Variants in RFWD3 observed in about 807,000 individuals in gnomAD.
RFWD3 encodes E3 ubiquitin-protein ligase RFWD3.
Under a neutral mutation model 87.7 loss-of-function variants are expected in RFWD3, and 65 were observed. That is an observed-to-expected ratio of 0.74 (90% CI 0.61 to 0.91). The LOEUF is 0.91. RFWD3 is among the 40% of genes least tolerant of loss of function. The probability of loss-of-function intolerance (pLI) is 0.00; values close to 1 mark genes in which losing one functional copy is unlikely to be tolerated. For synonymous variants in RFWD3, 433 were observed against 352.8 expected, an observed-to-expected ratio of 1.23 and a Z score of -2.55; for missense variants, 1,078 against 938.5, an observed-to-expected ratio of 1.15 and a Z score of -1.94.
chr16:74,635,464 C>T (rs1030786872), intron 8 of RFWD3, among the ~76,000 whole-genome samples: 9 of 100,710 alleles, frequency 8.9e-5, no homozygotes, highest in African/African-American at 4.2e-4. Flanking sequence ...GAGACTCCAT[C>T]TCAAAAGAAA....
intron 12 of RFWD3, among the ~76,000 whole-genome samples, 193 bp from the exon 13 acceptor site, chr16:74,624,264 T>G (rs1257043225): frequency 6.6e-6 from 1 of 152,220 alleles, no homozygotes; most frequent in African/African-American, 2.4e-5. Flanking sequence ...CCTCACCTAC[T>G]GTAATCAGCA....
At chr16:74,638,048 T>G in intron 6 of RFWD3, 78 bp from the exon 7 acceptor site, 2 of 860,806 alleles carry the variant, frequency 2.3e-6, no homozygotes, top group Non-Finnish European at 3.8e-6. Flanking sequence ...AGAGTTAAGT[T>G]CATGCTATGA....
In RFWD3 at chr16:74,658,800, T is replaced by G. The variant is rs953757948; in HGVS notation, c.518+2132A>C. Among the ~76,000 whole-genome samples the G allele has an allele frequency of 1.9e-4, 29 of 150,348 alleles. No homozygotes were observed. In the East Asian group the frequency reaches 3.8e-3, roughly 19 times the overall value. Reference sequence around the variant, plus strand: ...TTTTTTTTTTGAGACAGAGAGTCACTCTTGTCACCCAGGCTGGATTACAGT... The same window carrying G: ...TTTTTTTTTTGAGACAGAGAGTCACGCTTGTCACCCAGGCTGGATTACAGT... On this transcript the variant is annotated intron_variant, in intron 2 of 12. Coordinates refer to ENST00000361070, the MANE Select transcript of RFWD3 (RefSeq NM_018124.4).
intron 6 of RFWD3, 87 bp from the exon 7 acceptor site, chr16:74,638,057 G>A: frequency 1.3e-6 from 1 of 767,768 alleles, no homozygotes; most frequent in Non-Finnish European, 2.3e-6. Flanking sequence ...TTCATGCTAT[G>A]ATGCACGTTC....
At chr16:74,665,982 G>A (rs1164112111) in intron 1 of RFWD3, among the ~76,000 whole-genome samples, 1 of 152,102 alleles carries the variant, frequency 6.6e-6, no homozygotes, top group East Asian at 1.9e-4. Flanking sequence ...ACAGGCCTGA[G>A]CCACCGCTTT....
rs142363887 is a variant in RFWD3, at chr16:74,638,368, T to C, written c.1080-398A>G. On this transcript the variant is annotated intron_variant, in intron 6 of 12. Coordinates refer to ENST00000361070, the MANE Select transcript of RFWD3 (RefSeq NM_018124.4). ...ATATAACCCAAAAAAGAATCTGAAG[T>C]TAAAAAGAGCAAAAGTAGACATCAA... is the stretch of plus-strand genomic sequence containing the variant. Among the ~76,000 whole-genome samples, 133 of 151,940 alleles carry C rather than the reference T, an allele frequency of 8.8e-4. 1 individual carries two copies. Among genetic ancestry groups the C allele is most frequent in the South Asian group, 1.2e-3 (6 of 4,808 alleles).
At chr16:74,647,401 C>A (rs1364382099) in intron 4 of RFWD3, among the ~76,000 whole-genome samples, 1 of 152,084 alleles carries the variant, frequency 6.6e-6, no homozygotes, top group East Asian at 1.9e-4. Context: ...GACTCTCCTG[C>A]CTCAGCTTCC....
chr16:74,656,051 C>A (rs1960951297), intron 2 of RFWD3, among the ~76,000 whole-genome samples: 1 of 152,062 alleles, frequency 6.6e-6, no homozygotes, highest in Admixed American at 6.6e-5. Flanking sequence ...GCCCAACTTT[C>A]AAGACTTATT....
chr16:74,629,624 C>G (rs1312157440), intron 10 of RFWD3, among the ~76,000 whole-genome samples: 3 of 151,152 alleles, frequency 2.0e-5, no homozygotes, highest in Non-Finnish European at 4.4e-5. Context: ...GAGACACCAT[C>G]TTAAAAAAAC....
rs547925373 is a variant in RFWD3 at position 74,626,003 on chromosome 16, C to A, written c.2181+340G>T. On this transcript the variant is annotated intron_variant, in intron 12 of 12. Transcript: ENST00000361070. ...GAGTTCCAGACCAGCCTGGCCAACA[C>A]GGTGAAACCCTGTCTCTACTAAAAA... 3.9e-5 allele frequency among the ~76,000 whole-genome samples: 6 copies of A among 152,186 alleles called. No individual in the cohort carries two copies. In the South Asian group the frequency reaches 1.0e-3, roughly 26 times the overall value.
Position 74,645,751 on chromosome 16 carries a change from T to C in RFWD3, c.793-1016A>G, listed in dbSNP as rs923704243. Among the ~76,000 whole-genome samples, 1,064 of 139,670 alleles carry C rather than the reference T, an allele frequency of 7.6e-3. 7 individuals carry two copies. Among genetic ancestry groups the C allele is most frequent in the African/African-American group, 0.026 (975 of 37,288 alleles). The allele number at this position is 139,670 out of a possible 152,430, so 91.6% of individuals were successfully genotyped here. A position where few individuals can be genotyped will look rare whatever the true frequency, so the allele number is the denominator to read the frequency against. ...TCATAGTCACAAATATTTTCTTTTT[T>C]TTTTTTTTTTTTTTTTTTTGAGACA... On this transcript the variant is annotated intron_variant, in intron 4 of 12. Coordinates refer to ENST00000361070, the MANE Select transcript of RFWD3 (RefSeq NM_018124.4).
At chr16:74,652,154 T>TTGTCTTTATAG (rs754620664) in intron 2 of RFWD3, 32 bp from the exon 3 acceptor site, 13 of 1,572,992 alleles carry the variant, frequency 8.3e-6, no homozygotes. Flanking sequence ...GGAATTATAG[T>TTGTCTTTATAG]ACAATGAACT....
intron 1 of RFWD3, among the ~76,000 whole-genome samples, chr16:74,665,847 A>G (rs944570606): frequency 6.6e-6 from 1 of 151,378 alleles, no homozygotes; most frequent in Non-Finnish European, 1.5e-5. Context: ...CCCGGGTTCA[A>G]GCGATTCTCC....
chr16:74,646,176 A>G (rs62053580), intron 4 of RFWD3, among the ~76,000 whole-genome samples: 19,209 of 151,446 alleles, frequency 0.13, 1,470 homozygotes, highest in East Asian at 0.27. Context: ...GGAGTTTGAA[A>G]CCAGACTGGA....
chr16:74,641,095 C>G (rs530778474), intron 6 of RFWD3, among the ~76,000 whole-genome samples: 47 of 152,242 alleles, frequency 3.1e-4, no homozygotes, highest in African/African-American at 1.1e-3. Context: ...CTAGACCTCT[C>G]TGCAGCATGG....
intron 8 of RFWD3, among the ~76,000 whole-genome samples, chr16:74,635,046 C>A (rs905931196): frequency 4.6e-5 from 7 of 152,076 alleles, no homozygotes; most frequent in African/African-American, 1.7e-4. Context: ...TTTGGGAGGC[C>A]GAGGCGGGCG....
intron 3 of RFWD3, 52 bp downstream of exon 3, chr16:74,651,868 T>A (rs571239039): frequency 6.6e-7 from 1 of 1,526,188 alleles, no homozygotes; most frequent in South Asian, 1.2e-5. Flanking sequence ...TTCCGAAATT[T>A]AAGCTTCATG....
intron 7 of RFWD3, among the ~76,000 whole-genome samples, chr16:74,637,401 C>T (rs947888905): frequency 2.6e-5 from 4 of 152,208 alleles, no homozygotes; most frequent in African/African-American, 4.8e-5. Flanking sequence ...CCAAGGCAGG[C>T]GGATCACCTG....
chr16:74,633,966 C>T (rs7184754), intron 8 of RFWD3, among the ~76,000 whole-genome samples: 107,717 of 150,764 alleles, frequency 0.71, 39,041 homozygotes, highest in African/African-American at 0.84. Flanking sequence ...GCCTGGAAGA[C>T]AGAACTAGAT....
Sources: allele counts gnomAD v4.1 joint callset (sites outside exome capture counted in the v4.1 genomes callset), GRCh38; gene constraint gnomAD v4.1.1; transcripts MANE v1.5; gene names NCBI Gene and HGNC (gene_info 2026-07-23, HGNC 2026-07-21).